AGBL4: variants seen among roughly 807,000 people sequenced by gnomAD.
AGBL4 encodes the protein AGBL carboxypeptidase 4.
In AGBL4, 58 loss-of-function variants were observed where a neutral mutation model predicts 66.4. That is an observed-to-expected ratio of 0.87 (90% CI 0.71 to 1.09). The LOEUF (loss-of-function observed/expected upper bound fraction) is 1.09. Ranked by LOEUF, AGBL4 falls within the 50% of genes least tolerant of loss-of-function variation. The probability of loss-of-function intolerance (pLI) is 0.00; values close to 1 mark genes in which losing one functional copy is unlikely to be tolerated. For missense variants in AGBL4, 579 were observed against 631.0 expected, an observed-to-expected ratio of 0.92 and a Z score of 0.88; for synonymous variants, 234 against 222.9, an observed-to-expected ratio of 1.05 and a Z score of -0.44.
chr1:49,423,117 CT>C (rs1292972800), intron 3 of AGBL4: 1 of 152,132 alleles, frequency 6.6e-6, no homozygotes, highest in African/African-American at 2.4e-5. Context: ...CTGAGTTACC[CT>C]ACGAACCACA....
chr1:49,290,328 T>C (rs950263466), intron 3 of AGBL4, among the ~76,000 whole-genome samples: 1 of 152,180 alleles, frequency 6.6e-6, no homozygotes, highest in Non-Finnish European at 1.5e-5. Flanking sequence ...AATCTGAAAC[T>C]AGCAGCGATC....
At chr1:48,915,053 C>G (rs527483325) in intron 5 of AGBL4, among the ~76,000 whole-genome samples, 4 of 152,300 alleles carry the variant, frequency 2.6e-5, no homozygotes, top group South Asian at 4.1e-4. Context: ...AAATCTCTAT[C>G]GTGTTATTTT....
chr1:48,912,525 A>G lies in AGBL4; in HGVS notation c.595-45295T>C, dbSNP rs1021387184. Among the ~76,000 whole-genome samples, 55 of 152,134 alleles carry G rather than the reference A, an allele frequency of 3.6e-4. 4 individuals carry two copies. Among genetic ancestry groups the G allele is most frequent in the Admixed American group, 6.5e-5 (1 of 15,276 alleles). On this transcript the variant is annotated intron_variant, in intron 5 of 13. Transcript: ENST00000371839. Reference sequence around the variant, plus strand: ...GCCACTGGGCTGTAGGAAGGCAGATATGATGTTGTTCAGCCTGCTGCCACT... The same window carrying G: ...GCCACTGGGCTGTAGGAAGGCAGATGTGATGTTGTTCAGCCTGCTGCCACT...
At chr1:49,226,137 T>G (rs1308980208) in intron 4 of AGBL4, among the ~76,000 whole-genome samples, 1 of 152,290 alleles carries the variant, frequency 6.6e-6, no homozygotes, top group African/African-American at 2.4e-5. Flanking sequence ...GTCAGTATCT[T>G]TAGGCAATGC....
At chr1:49,454,536 T>C (rs1453540839) in intron 3 of AGBL4, among the ~76,000 whole-genome samples, 1 of 151,704 alleles carries the variant, frequency 6.6e-6, no homozygotes, top group Non-Finnish European at 1.5e-5. Flanking sequence ...TGTTCTTCCA[T>C]GGTAGAAGTT....
At chr1:49,921,467 T>C (rs911069297) in intron 1 of AGBL4, among the ~76,000 whole-genome samples, 4 of 152,234 alleles carry the variant, frequency 2.6e-5, no homozygotes, top group Non-Finnish European at 4.4e-5. Flanking sequence ...AGGATATATG[T>C]ATATTTGAAA....
intron 3 of AGBL4, among the ~76,000 whole-genome samples, chr1:49,422,461 A>G (rs1645566344): frequency 6.6e-6 from 1 of 152,132 alleles, no homozygotes; most frequent in Admixed American, 6.5e-5. Flanking sequence ...ACTTTCAACT[A>G]GTTTCAAAAA....
chr1:49,738,091 GC>G (rs1272849617), intron 2 of AGBL4, among the ~76,000 whole-genome samples: 2 of 152,246 alleles, frequency 1.3e-5, no homozygotes, highest in African/African-American at 4.8e-5. Flanking sequence ...CCAAGTATGA[GC>G]CGAAGCAGGG....
intron 2 of AGBL4, among the ~76,000 whole-genome samples, chr1:49,800,473 T>A (rs1477631696): frequency 7.6e-6 from 1 of 132,040 alleles, no homozygotes; most frequent in Non-Finnish European, 1.6e-5. Context: ...CACTAACTCG[T>A]CATCTAGCAT....
intron 2 of AGBL4, among the ~76,000 whole-genome samples, chr1:49,704,286 A>G (rs2124635923): frequency 6.6e-6 from 1 of 152,230 alleles, no homozygotes; most frequent in South Asian, 2.1e-4. Context: ...ATAGACCTTT[A>G]CATGTATGAA....
intron 6 of AGBL4, among the ~76,000 whole-genome samples, chr1:48,709,718 C>T (rs2148516249): frequency 6.6e-6 from 1 of 152,092 alleles, no homozygotes; most frequent in Non-Finnish European, 1.5e-5. Flanking sequence ...TCTCTGGCCT[C>T]AGCCTCCTGA....
chr1:48,733,439 C>T (rs1212834893), intron 6 of AGBL4, among the ~76,000 whole-genome samples: 1 of 152,118 alleles, frequency 6.6e-6, no homozygotes, highest in Admixed American at 6.6e-5. Flanking sequence ...TTATTTTCCT[C>T]TGTGAAAGAA....
chr1:49,561,865 T>A (rs1298119712), intron 3 of AGBL4, among the ~76,000 whole-genome samples: 1 of 152,038 alleles, frequency 6.6e-6, no homozygotes, highest in Non-Finnish European at 1.5e-5. Context: ...TAGTTCTAGA[T>A]CCCTGAGGAA....
chr1:48,985,290 G>T (rs1252346354), intron 5 of AGBL4, among the ~76,000 whole-genome samples: 2 of 152,042 alleles, frequency 1.3e-5, no homozygotes, highest in East Asian at 3.9e-4. Flanking sequence ...TGAGAGCTTG[G>T]AAAGACCCTC....
At chr1:48,966,559 A>G (rs1340848318) in intron 5 of AGBL4, among the ~76,000 whole-genome samples, 2 of 152,222 alleles carry the variant, frequency 1.3e-5, no homozygotes, top group Admixed American at 6.5e-5. Flanking sequence ...AGAAAAGAAT[A>G]TACCCATTTT....
intron 3 of AGBL4, among the ~76,000 whole-genome samples, chr1:49,273,370 AT>A (rs1644100517): frequency 6.6e-6 from 1 of 151,524 alleles, no homozygotes; most frequent in African/African-American, 2.4e-5. Context: ...AAATAAAAAC[AT>A]TTTTATAAAA....
intron 3 of AGBL4, among the ~76,000 whole-genome samples, chr1:49,564,654 G>T (rs1386531921): frequency 2.6e-5 from 4 of 152,168 alleles, no homozygotes; most frequent in African/African-American, 9.7e-5. Flanking sequence ...TAGTTTGATT[G>T]CACTGTGGTC....
At chr1:48,635,465 C>T (rs1358998371) in intron 8 of AGBL4, among the ~76,000 whole-genome samples, 2 of 152,200 alleles carry the variant, frequency 1.3e-5, no homozygotes, top group African/African-American at 4.8e-5. Context: ...TTCAGATTTT[C>T]ACTAGCGTCC....
At chr1:49,004,404 G>T (rs1045679065) in intron 5 of AGBL4, among the ~76,000 whole-genome samples, 1 of 152,208 alleles carries the variant, frequency 6.6e-6, no homozygotes, top group Admixed American at 6.5e-5. Flanking sequence ...GCACCAGCCT[G>T]AATGGGCTGA....
Sources: allele counts gnomAD v4.1 joint callset (sites outside exome capture counted in the v4.1 genomes callset), GRCh38; gene constraint gnomAD v4.1.1; transcripts MANE v1.5; gene names NCBI Gene and HGNC (gene_info 2026-07-23, HGNC 2026-07-21).